Variants in SIK2 observed in about 807,000 individuals in gnomAD.
SIK2 encodes the protein serine/threonine-protein kinase SIK2.
SIK2 carries 29 observed loss-of-function variants against 103.2 expected under a neutral mutation model. That is an observed-to-expected ratio of 0.28 (90% confidence interval 0.21 to 0.38). The LOEUF (loss-of-function observed/expected upper bound fraction) is 0.38. SIK2 is among the 10% of genes least tolerant of loss of function. The pLI is 1.00. For synonymous variants in SIK2, 412 were observed against 446.1 expected, an observed-to-expected ratio of 0.92 and a Z score of 0.96; for missense variants, 879 against 1,171.0, an observed-to-expected ratio of 0.75 and a Z score of 3.64.
At chr11:111,700,601 C>G (rs1943190865) in intron 4 of SIK2, among the ~76,000 whole-genome samples, 1 of 152,166 alleles carries the variant, frequency 6.6e-6, no homozygotes, top group South Asian at 2.1e-4. Context: ...CACTTTAAGG[C>G]TGATTTTCTT....
At chr11:111,711,285 A>T (rs1565381264) in intron 8 of SIK2, among the ~76,000 whole-genome samples, 1 of 150,772 alleles carries the variant, frequency 6.6e-6, no homozygotes, top group Admixed American at 6.6e-5. Context: ...CACCCAGCTA[A>T]TTTTTTTTTG....
Position 111,701,357 on chromosome 11 carries a change from G to A in SIK2, c.604-95G>A. Reference sequence around the variant, plus strand: ...AATAAATCCAGACAGGAATTTTTCAGTCCATATGATTTCAAGAGCCCTGGG... The same window carrying A: ...AATAAATCCAGACAGGAATTTTTCAATCCATATGATTTCAAGAGCCCTGGG... On this transcript the variant is annotated intron_variant, in intron 5 of 14. Transcript: ENST00000304987. This position sits in a 1 kb window ranked among gnomAD's most constrained non-coding sequence, Gnocchi z 4.2. 6.8e-7 allele frequency: 1 copy of A among 1,462,884 alleles called. No individual in the cohort carries two copies. Among genetic ancestry groups the A allele is most frequent in the Non-Finnish European group, 9.2e-7 (1 of 1,090,694 alleles). The allele number at this position is 1,462,884 out of a possible 1,614,324, so 90.6% of individuals were successfully genotyped here. A position where few individuals can be genotyped will look rare whatever the true frequency, so the allele number is the denominator to read the frequency against.
rs577287400 is a variant in SIK2 at position 111,638,030 on chromosome 11, A to AT, written c.316+17634dup. Among the ~76,000 whole-genome samples the AT allele has an allele frequency of 4.5e-4, 68 of 152,152 alleles. 1 individual carries two copies. In the South Asian group the frequency reaches 0.014, roughly 31 times the overall value. ...ATTGGAAACTGAGCCAGTAGAAGGG[A>AT]TTTTTTCACTGCTAGGGTGATCTGA... is the stretch of plus-strand genomic sequence containing the variant. On this transcript the variant is annotated intron_variant, in intron 3 of 14. Coordinates refer to ENST00000304987, the MANE Select transcript of SIK2 (RefSeq NM_015191.3).
chr11:111,690,573 A>G (rs1942921177), intron 4 of SIK2, among the ~76,000 whole-genome samples: 1 of 151,920 alleles, frequency 6.6e-6, no homozygotes. Flanking sequence ...TAAGCCCTGC[A>G]TGGATTAGGT....
At position 111,712,332 on chromosome 11, in the gene SIK2, C is replaced by T. The variant is rs766581700; in HGVS notation, c.1223C>T (p.Ala408Val). The stretch of plus-strand genomic sequence containing the variant: ...TCATTTCCAGCATCTGGCTGTCAGG[C>T]GGAAGCTGCATTCATGGAAGAAGAG... ...AFSFPASGCQ[A>V]EAAFMEEECV... Residue 408 changes from alanine to valine, a missense_variant, in exon 9 of 15, where the codon GCG (alanine) becomes GTG (valine). Ala to Val is a moderately conservative substitution (Grantham distance 64). Coordinates refer to ENST00000304987, the MANE Select transcript of SIK2 (RefSeq NM_015191.3). 5.3e-5 allele frequency: 85 copies of T among 1,614,020 alleles called. No individual in the cohort carries two copies. Among genetic ancestry groups the T allele is most frequent in the East Asian group, 2.9e-4 (13 of 44,894 alleles).
rs142672071 is a variant in SIK2, at chr11:111,610,477, G to A, written c.136-5766G>A. 3.0e-3 allele frequency among the ~76,000 whole-genome samples: 426 copies of A among 143,308 alleles called. 1 individual carries two copies. Among genetic ancestry groups the A allele is most frequent in the African/African-American group, 0.01 (403 of 38,632 alleles). 94.0% of individuals were successfully genotyped at this position (143,308 alleles called of 152,430 possible). A position where few individuals can be genotyped will look rare whatever the true frequency, so the allele number is the denominator to read the frequency against. On this transcript the variant is annotated intron_variant, in intron 1 of 14. Transcript: ENST00000304987. ...CTGCACTCCAGCAGTGACAGAGCAAGACTCTGTCTAAAAAAAAAAAAAAAA... is the reference window on the plus strand; with the variant it reads ...CTGCACTCCAGCAGTGACAGAGCAAAACTCTGTCTAAAAAAAAAAAAAAAA...
Position 111,701,476 on chromosome 11 carries a change from C to T in SIK2, c.628C>T (p.Leu210Phe). The change falls in exon 6 of 15, where the codon CTT becomes TTT. Residue 210 changes from leucine to phenylalanine, a missense_variant. By Grantham distance (22) the Leu-to-Phe change is conservative. Transcript: ENST00000304987. This position sits in a 1 kb window ranked among gnomAD's most constrained non-coding sequence, Gnocchi z 4.2. The stretch of plus-strand genomic sequence containing the variant: ...GAGTATGGGAGTTGTTCTTTATGTC[C>T]TTGTCTGTGGAGCTCTGCCCTTTGA... ...IWSMGVVLYV[L>F]VCGALPFDGP... The T allele has an allele frequency of 6.2e-7, 1 of 1,613,756 alleles. No individual in the cohort carries two copies. The highest frequency in any genetic ancestry group is 1.3e-5 in the African/African-American group (1 of 74,988).
rs1024961659 is a variant in SIK2 at position 111,602,762 on chromosome 11, G to A, written c.135+64G>A. 7.0e-7 allele frequency: 1 copy of A among 1,425,282 alleles called. No homozygotes were observed. Among genetic ancestry groups the A allele is most frequent in the Non-Finnish European group, 9.2e-7 (1 of 1,091,070 alleles). The allele number at this position is 1,425,282 out of a possible 1,614,324, so 88.3% of individuals were successfully genotyped here. A position where few individuals can be genotyped will look rare whatever the true frequency, so the allele number is the denominator to read the frequency against. On this transcript the variant is annotated intron_variant, in intron 1 of 14. Coordinates refer to ENST00000304987, the MANE Select transcript of SIK2 (RefSeq NM_015191.3). This position sits in a 1 kb window ranked among gnomAD's most constrained non-coding sequence, Gnocchi z 4.5. Reference sequence around the variant, plus strand: ...GTTCGGGAGAGGAGCTGCTTACCGAGAGGGGCGGCCGCAGTGGTGGGACCG... The same window carrying A: ...GTTCGGGAGAGGAGCTGCTTACCGAAAGGGGCGGCCGCAGTGGTGGGACCG...
At chr11:111,658,855 CAG>C (rs1942430440) in intron 3 of SIK2, among the ~76,000 whole-genome samples, 1 of 152,196 alleles carries the variant, frequency 6.6e-6, no homozygotes, top group Admixed American at 6.5e-5. Context: ...GTAATAGCAA[CAG>C]AACTCATTTG....
chr11:111,682,805 A>G lies in SIK2; in HGVS notation c.317-5196A>G, dbSNP rs1591613996. 2.6e-5 allele frequency among the ~76,000 whole-genome samples: 4 copies of G among 152,196 alleles called. 1 individual carries two copies. On this transcript the variant is annotated intron_variant, in intron 3 of 14. Transcript: ENST00000304987. ...ATTTCTACCTATGCTAACCTTCATC[A>G]CAGTGTATTGTAATTGCCTGTTTAC...
intron 3 of SIK2, among the ~76,000 whole-genome samples, chr11:111,639,273 T>A (rs1453690152): frequency 6.6e-6 from 1 of 152,200 alleles, no homozygotes; most frequent in Non-Finnish European, 1.5e-5. Flanking sequence ...TTTCTGAGCC[T>A]TTATTATTAT....
intron 3 of SIK2, among the ~76,000 whole-genome samples, chr11:111,633,291 GA>G (rs1300215505): frequency 1.3e-5 from 2 of 151,990 alleles, no homozygotes; most frequent in Non-Finnish European, 2.9e-5. Flanking sequence ...ACTCATTTTA[GA>G]ATTTATCTAC....
intron 4 of SIK2, among the ~76,000 whole-genome samples, chr11:111,694,701 A>T (rs1345692042): frequency 6.6e-6 from 1 of 152,230 alleles, no homozygotes; most frequent in Admixed American, 6.5e-5. Flanking sequence ...AGAGCTTTAC[A>T]TCAAAAAGCA....
At chr11:111,706,243 T>C (rs1591633066) in intron 8 of SIK2, among the ~76,000 whole-genome samples, 1 of 152,228 alleles carries the variant, frequency 6.6e-6, no homozygotes, top group East Asian at 1.9e-4. Flanking sequence ...GTACTTGTTA[T>C]ATAAAGTAAT....
At chr11:111,694,353 C>G (rs1325078976) in intron 4 of SIK2, among the ~76,000 whole-genome samples, 1 of 151,996 alleles carries the variant, frequency 6.6e-6, no homozygotes, top group Non-Finnish European at 1.5e-5. Flanking sequence ...TGAGAGAGAC[C>G]TTAAATGTAA....
intron 3 of SIK2, among the ~76,000 whole-genome samples, chr11:111,666,679 T>G (rs921308472): frequency 3.3e-5 from 5 of 152,322 alleles, no homozygotes; most frequent in Non-Finnish European, 7.4e-5. Context: ...CACATCAGAT[T>G]ACTAAATTTC....
Position 111,701,194 on chromosome 11 carries a change from GTGT to G in SIK2, c.603+188_603+190del, listed in dbSNP as rs1591628283. ...CCTAGGAAAGAATTTCTAAGGATAG[GTGT>G]TGTCATCCTAATATCAGCAGTAATT... On this transcript the variant is annotated intron_variant, in intron 5 of 14. Transcript: ENST00000304987. This position sits in a 1 kb window ranked among gnomAD's most constrained non-coding sequence, Gnocchi z 4.2. 6.6e-6 allele frequency among the ~76,000 whole-genome samples: 1 copy of G among 152,280 alleles called. No homozygotes were observed. Among genetic ancestry groups the G allele is most frequent in the South Asian group, 2.1e-4 (1 of 4,828 alleles).
rs1445284319 is a variant in SIK2, at chr11:111,663,517, A to G, written c.317-24484A>G. 2.0e-5 allele frequency among the ~76,000 whole-genome samples: 3 copies of G among 152,026 alleles called. No individual in the cohort carries two copies. In the East Asian group the frequency reaches 5.8e-4, roughly 29 times the overall value. On this transcript the variant is annotated intron_variant, in intron 3 of 14. Coordinates refer to ENST00000304987, the MANE Select transcript of SIK2 (RefSeq NM_015191.3). ...TGGGGTCTAATAGACCATGGTAGAGACTTGGAATTTTGTACTGAGTGAGAC... is the reference window on the plus strand; with the variant it reads ...TGGGGTCTAATAGACCATGGTAGAGGCTTGGAATTTTGTACTGAGTGAGAC...
intron 3 of SIK2, among the ~76,000 whole-genome samples, chr11:111,652,049 C>T (rs1942333667): frequency 6.6e-6 from 1 of 152,150 alleles, no homozygotes; most frequent in South Asian, 2.1e-4. Context: ...ATCGGTGCTT[C>T]TAAGATCCCA....
Sources: gnomAD v4.1 joint callset for allele counts (sites outside exome capture counted in the v4.1 genomes callset) on GRCh38, gnomAD v4.1.1 for gene constraint, Gnocchi (gnomAD v3.1) non-coding constraint, MANE v1.5 for transcripts, NCBI Gene and HGNC (gene_info 2026-07-23, HGNC 2026-07-21) for gene names.